Variants in SLC8A1 observed in about 807,000 individuals in gnomAD.
The protein encoded by SLC8A1 is sodium/calcium exchanger 1.
A neutral mutation model predicts 68.3 loss-of-function variants in SLC8A1; 18 were observed. That is an observed-to-expected ratio of 0.26 (90% confidence interval 0.18 to 0.39). The LOEUF is 0.39. SLC8A1 is among the 10% of genes least tolerant of loss of function. SLC8A1 has a pLI of 1.00. For missense variants in SLC8A1, 985 were observed against 1,156.7 expected (o/e 0.85, Z 2.15); for synonymous variants, 475 against 415.5 (o/e 1.14, Z -1.74).
chr2:40,495,815 C>T (rs553468852), intron 1 of SLC8A1, among the ~76,000 whole-genome samples: 7 of 152,134 alleles, frequency 4.6e-5, no homozygotes, highest in African/African-American at 1.7e-4. Flanking sequence ...TGCTTGCAGT[C>T]TCCAGGCACT....
chr2:40,277,225 G>A (rs1198453494), intron 2 of SLC8A1, among the ~76,000 whole-genome samples: 1 of 147,568 alleles, frequency 6.8e-6, no homozygotes, highest in Non-Finnish European at 1.5e-5. Flanking sequence ...CCCTCTCTAT[G>A]CCTGTTTTTT....
In SLC8A1 at chr2:40,204,850, T is replaced by A. The variant is rs190190099; in HGVS notation, c.1809-26995A>T. Among the ~76,000 whole-genome samples, 4 of 152,170 alleles carry A rather than the reference T, an allele frequency of 2.6e-5. No individual in the cohort carries two copies. In the East Asian group the frequency reaches 5.8e-4, roughly 22 times the overall value. ...AATCTTTGAAATCTGGTATTTATGG[T>A]TACTGCACTTCTTAATGTGGGTTAG... On this transcript the variant is annotated intron_variant, in intron 2 of 7. Coordinates refer to ENST00000406785, the Ensembl canonical transcript of SLC8A1.
intron 1 of SLC8A1, among the ~76,000 whole-genome samples, chr2:40,449,112 C>A (rs1319997320): frequency 1.3e-5 from 2 of 148,862 alleles, no homozygotes; most frequent in Non-Finnish European, 3.0e-5. Flanking sequence ...TAAAAGGCAT[C>A]ACAAAGAAAG....
At chr2:40,148,934 C>T (rs1300207867) in intron 6 of SLC8A1, among the ~76,000 whole-genome samples, 2 of 152,140 alleles carry the variant, frequency 1.3e-5, no homozygotes, top group African/African-American at 4.8e-5. Flanking sequence ...TGTCTGTCTG[C>T]CATGGCTTTC....
chr2:40,164,775 T>C (rs2046267129), intron 5 of SLC8A1, 79 bp downstream of exon 8: 1 of 1,561,582 alleles, frequency 6.4e-7, no homozygotes, highest in Non-Finnish European at 8.7e-7. Context: ...CAGGTGGATC[T>C]TAAGCTTTGG....
chr2:40,244,005 C>A (rs1223966164), intron 2 of SLC8A1, among the ~76,000 whole-genome samples: 1 of 151,790 alleles, frequency 6.6e-6, no homozygotes, highest in Non-Finnish European at 1.5e-5. Context: ...ACTGAGGGGT[C>A]TAGGGTCTGG....
intron 7 of SLC8A1, among the ~76,000 whole-genome samples, chr2:40,134,432 T>C (rs575985684): frequency 2.7e-4 from 41 of 152,060 alleles, no homozygotes; most frequent in Non-Finnish European, 4.0e-4. Context: ...GTCTGGGTCT[T>C]GCGAGAAGGG....
At chr2:40,345,822 C>T (rs865802568) in intron 2 of SLC8A1, among the ~76,000 whole-genome samples, 10 of 152,050 alleles carry the variant, frequency 6.6e-5, no homozygotes, top group Admixed American at 2.6e-4. Flanking sequence ...GGGAGGGGAA[C>T]ATCACACACT....
chr2:40,149,459 G>C (rs1225198457), intron 6 of SLC8A1, among the ~76,000 whole-genome samples: 1 of 152,190 alleles, frequency 6.6e-6, no homozygotes, highest in Non-Finnish European at 1.5e-5. Flanking sequence ...ACCCCTCTGA[G>C]CAGTTGACAT....
intron 2 of SLC8A1, among the ~76,000 whole-genome samples, chr2:40,237,699 A>G (rs2060589425): frequency 6.6e-6 from 1 of 151,624 alleles, no homozygotes; most frequent in African/African-American, 2.4e-5. Flanking sequence ...TAGAGTTTCC[A>G]GTTTTTCTGT....
intron 6 of SLC8A1, among the ~76,000 whole-genome samples, chr2:40,156,857 T>C (rs917863692): frequency 6.6e-6 from 1 of 152,168 alleles, no homozygotes; most frequent in African/African-American, 2.4e-5. Context: ...AATGCATGCA[T>C]GTCTCTGCGT....
At chr2:40,500,795 CTTTTTTT>C (rs1191619172) in intron 1 of SLC8A1, among the ~76,000 whole-genome samples, 4 of 37,262 alleles carry the variant, frequency 1.1e-4, no homozygotes, top group Non-Finnish European at 1.5e-4. Context: ...TATCATCTGA[CTTTTTTT>C]TTTTTTTTTT....
At chr2:40,178,233 G>A (rs1422740847) in intron 2 of SLC8A1, among the ~76,000 whole-genome samples, 154 bp downstream of exon 3, 1 of 152,152 alleles carries the variant, frequency 6.6e-6, no homozygotes. Flanking sequence ...TGTAGCTACA[G>A]GCCTGCCTAC....
chr2:40,388,084 C>G (rs1483629661), intron 2 of SLC8A1, among the ~76,000 whole-genome samples: 1 of 151,918 alleles, frequency 6.6e-6, no homozygotes, highest in East Asian at 1.9e-4. Flanking sequence ...CTTTTCAAAG[C>G]AAGTCATGGT....
intron 1 of SLC8A1, among the ~76,000 whole-genome samples, chr2:40,451,559 A>ATGAGG (rs1326606686): frequency 6.6e-6 from 1 of 152,032 alleles, no homozygotes; most frequent in Non-Finnish European, 1.5e-5. Flanking sequence ...CGCGCCCTGA[A>ATGAGG]TCCTCAGAGC....
intron 2 of SLC8A1, among the ~76,000 whole-genome samples, chr2:40,356,013 C>T (rs1328600310): frequency 2.6e-5 from 4 of 152,242 alleles, no homozygotes; most frequent in Non-Finnish European, 5.9e-5. Flanking sequence ...GGTAGAGTCA[C>T]TGATGGTTAC....
At chr2:40,510,705 C>G (rs1706667963) in intron 1 of SLC8A1, among the ~76,000 whole-genome samples, 1 of 152,044 alleles carries the variant, frequency 6.6e-6, no homozygotes, top group Non-Finnish European at 1.5e-5. Context: ...CTCTCTCTCT[C>G]TTTCTAACTC....
intron 1 of SLC8A1, among the ~76,000 whole-genome samples, chr2:40,493,480 A>G (rs1050675874): frequency 1.3e-5 from 2 of 151,622 alleles, no homozygotes; most frequent in African/African-American, 4.8e-5. Context: ...CATGTACCCT[A>G]AAACTTAAAG....
intron 2 of SLC8A1, among the ~76,000 whole-genome samples, chr2:40,243,974 CTG>C (rs2061528413): frequency 6.6e-6 from 1 of 152,128 alleles, no homozygotes; most frequent in Non-Finnish European, 1.5e-5. Flanking sequence ...TCTAGGGAGA[CTG>C]TGACATTTCT....
Sources: gnomAD v4.1 joint callset for allele counts (sites outside exome capture counted in the v4.1 genomes callset) on GRCh38, gnomAD v4.1.1 for gene constraint, MANE v1.5 for transcripts, NCBI Gene and HGNC (gene_info 2026-07-23, HGNC 2026-07-21) for gene names.